KCNT2: variants seen among roughly 807,000 people sequenced by gnomAD.
KCNT2 encodes the protein potassium channel subfamily T member 2.
In KCNT2, 67 loss-of-function variants were observed where a neutral mutation model predicts 153.8. The ratio of observed to expected loss-of-function variants is 0.44; its 90% CI spans 0.36 to 0.53. KCNT2 has a LOEUF of 0.53. Among genes scored for constraint, KCNT2 ranks in the 20% least tolerant of loss-of-function variants. The probability of loss-of-function intolerance (pLI) is 0.00; values close to 1 mark genes in which losing one functional copy is unlikely to be tolerated. For synonymous variants in KCNT2, 500 were observed against 458.8 expected (o/e 1.09, Z -1.15); for missense variants, 975 against 1,354.8 (o/e 0.72, Z 4.40).
chr1:196,314,738 C>T (rs1176802114), intron 21 of KCNT2, among the ~76,000 whole-genome samples: 1 of 151,622 alleles, frequency 6.6e-6, no homozygotes, highest in South Asian at 2.1e-4. Context: ...TCAGCTGGAG[C>T]CTCTAGGATA....
intron 8 of KCNT2, among the ~76,000 whole-genome samples, chr1:196,438,698 A>C (rs1466797371): frequency 1.3e-5 from 2 of 151,880 alleles, no homozygotes; most frequent in Non-Finnish European, 2.9e-5. Context: ...CTTGTTTTAA[A>C]GGATTACTTA....
In KCNT2 at chr1:196,280,920, A is replaced by G; in HGVS notation, c.2850T>C (p.Ser950=). 6.2e-7 allele frequency: 1 copy of G among 1,610,666 alleles called. No homozygotes were observed. Residue 950 remains serine, a synonymous_variant, in exon 25 of 28, where the codon TCT becomes TCC. Transcript: ENST00000294725. ...YARLYQKLCS[S]TGDVPIGIYR... is the part of the protein sequence containing the mutation. ...AGATTCCAATGGGAACATCTCCAGTAGAAGAACACAACTTCTGATAAAGTC... is the reference window on the plus strand; with the variant it reads ...AGATTCCAATGGGAACATCTCCAGTGGAAGAACACAACTTCTGATAAAGTC...
At chr1:196,361,338 G>T (rs1166672782) in intron 14 of KCNT2, among the ~76,000 whole-genome samples, 1 of 151,928 alleles carries the variant, frequency 6.6e-6, no homozygotes, top group Non-Finnish European at 1.5e-5. Flanking sequence ...GATATGTCCC[G>T]AAGGTTACCT....
chr1:196,284,760 A>C (rs898144562), intron 23 of KCNT2, among the ~76,000 whole-genome samples: 5 of 152,174 alleles, frequency 3.3e-5, no homozygotes, highest in African/African-American at 1.2e-4. Flanking sequence ...ATCTGACATA[A>C]GCAGATGGTT....
intron 26 of KCNT2, among the ~76,000 whole-genome samples, chr1:196,236,837 G>A (rs1040435161): frequency 2.0e-5 from 3 of 151,532 alleles, no homozygotes; most frequent in African/African-American, 4.8e-5. Context: ...ACAGCTTTGT[G>A]GTCTCAATTT....
intron 1 of KCNT2, among the ~76,000 whole-genome samples, chr1:196,506,119 G>A (rs1265724555): frequency 6.6e-6 from 1 of 152,136 alleles, no homozygotes; most frequent in Non-Finnish European, 1.5e-5. Context: ...ACATTCGTAT[G>A]TGAATTTGTT....
chr1:196,509,267 GAAA>G (rs78796952), intron 1 of KCNT2, among the ~76,000 whole-genome samples: 1 of 77,622 alleles, frequency 1.3e-5, no homozygotes, highest in Non-Finnish European at 2.7e-5. Context: ...GCGAAACTCC[GAAA>G]AAAAAAAAAA....
chr1:196,227,834 T>G lies in KCNT2; in HGVS notation c.*390A>C, dbSNP rs1653610387. 1 of 156,424 alleles carries G rather than the reference T, an allele frequency of 6.4e-6. No homozygotes were observed. Among genetic ancestry groups the G allele is most frequent in the South Asian group, 1.9e-4 (1 of 5,196 alleles). 9.7% of individuals were successfully genotyped at this position (156,424 alleles called of 1,614,324 possible). On this transcript the variant is annotated 3_prime_UTR_variant, in exon 28 of 28. Coordinates refer to ENST00000294725, the MANE Select transcript of KCNT2 (RefSeq NM_198503.5). Reference sequence around the variant, plus strand: ...TTTAAAGAATATAATATGACACATTTAATTTTTAAGAGGAGCAGCAGCATT... The same window carrying G: ...TTTAAAGAATATAATATGACACATTGAATTTTTAAGAGGAGCAGCAGCATT...
chr1:196,589,333 A>G (rs1041430649), intron 1 of KCNT2, among the ~76,000 whole-genome samples: 1 of 152,020 alleles, frequency 6.6e-6, no homozygotes, highest in Non-Finnish European at 1.5e-5. Context: ...AATTCTATAC[A>G]TTAAAATGTA....
chr1:196,579,457 T>C (rs1242407694), intron 1 of KCNT2, among the ~76,000 whole-genome samples: 1 of 151,958 alleles, frequency 6.6e-6, no homozygotes, highest in African/African-American at 2.4e-5. Context: ...AACATGCACA[T>C]GTACCCCTAA....
intron 24 of KCNT2, 127 bp from the exon 25 acceptor site, chr1:196,281,115 T>G: frequency 3.0e-6 from 2 of 669,204 alleles, no homozygotes; most frequent in Non-Finnish European, 5.1e-6. Context: ...CAGGCTACAG[T>G]GCAACGGTGC....
chr1:196,589,916 C>G (rs1011606652), intron 1 of KCNT2, among the ~76,000 whole-genome samples: 2 of 152,124 alleles, frequency 1.3e-5, no homozygotes, highest in African/African-American at 4.8e-5. Flanking sequence ...GTGACTCTGA[C>G]TTTCCTCTTG....
At chr1:196,480,643 C>G (rs573599562) in intron 4 of KCNT2, among the ~76,000 whole-genome samples, 11 of 151,992 alleles carry the variant, frequency 7.2e-5, no homozygotes, top group South Asian at 4.2e-4. Flanking sequence ...ATCACGAGGT[C>G]AGGAGATCGA....
intron 3 of KCNT2, among the ~76,000 whole-genome samples, chr1:196,487,749 T>G (rs1034384994): frequency 4.6e-5 from 7 of 152,006 alleles, no homozygotes; most frequent in African/African-American, 1.7e-4. Flanking sequence ...AAATTTGAAT[T>G]TCACTTAAAC....
chr1:196,433,213 A>T (rs1419366101), intron 8 of KCNT2, among the ~76,000 whole-genome samples: 2 of 152,092 alleles, frequency 1.3e-5, no homozygotes, highest in Non-Finnish European at 2.9e-5. Flanking sequence ...TGAAAAAGGA[A>T]TTTCTATTGT....
chr1:196,469,144 G>GA (rs1677867078), intron 5 of KCNT2, 76 bp from the exon 6 acceptor site: 4 of 792,366 alleles, frequency 5.0e-6, no homozygotes, highest in Non-Finnish European at 8.6e-6. Context: ...ACAGCACTTA[G>GA]AATTTCTCTA....
intron 4 of KCNT2, among the ~76,000 whole-genome samples, chr1:196,480,851 G>A (rs1192517096): frequency 1.5e-5 from 1 of 67,456 alleles, no homozygotes; most frequent in Non-Finnish European, 2.4e-5. Flanking sequence ...GAGAGACTTC[G>A]TCTCAAAAAA....
At chr1:196,575,339 C>G (rs1263806237) in intron 1 of KCNT2, among the ~76,000 whole-genome samples, 9 of 151,952 alleles carry the variant, frequency 5.9e-5, no homozygotes, top group Non-Finnish European at 2.9e-5. Context: ...TAACATTTCT[C>G]TTTTGAGAAA....
intron 1 of KCNT2, among the ~76,000 whole-genome samples, chr1:196,550,999 G>T (rs1657824195): frequency 6.6e-6 from 1 of 151,792 alleles, no homozygotes; most frequent in Admixed American, 6.6e-5. Flanking sequence ...AGACTATGCT[G>T]TCTCAGTTCA....
Sources: allele counts gnomAD v4.1 joint callset (sites outside exome capture counted in the v4.1 genomes callset), GRCh38; gene constraint gnomAD v4.1.1; transcripts MANE v1.5; gene names NCBI Gene and HGNC (gene_info 2026-07-23, HGNC 2026-07-21).